Variants in SERPINB6 observed in about 807,000 individuals in gnomAD.
The protein encoded by SERPINB6 is serpin B6.
Under a neutral mutation model 26.1 loss-of-function variants are expected in SERPINB6, and 16 were observed. The observed-to-expected ratio is 0.61, with a 90% confidence interval of 0.42 to 0.93. SERPINB6 has a LOEUF of 0.93. SERPINB6 is among the 40% of genes least tolerant of loss of function. SERPINB6 has a pLI of 0.00. For synonymous variants in SERPINB6, 174 were observed against 176.6 expected (o/e 0.99, Z 0.11); for missense variants, 420 against 478.0 (o/e 0.88, Z 1.13).
At chr6:2,954,918 T>G (rs1468802174) in intron 3 of SERPINB6, 1 of 555,978 alleles carries the variant, frequency 1.8e-6, no homozygotes, top group Admixed American at 3.0e-5. Context: ...GGTCAGGTAC[T>G]GTGGCTTACA....
At chr6:2,960,554 C>T (rs1770983042) in intron 1 of SERPINB6, 1 of 152,302 alleles carries the variant, frequency 6.6e-6, no homozygotes, top group African/African-American at 2.4e-5. Context: ...AAGACAGTCC[C>T]AGTGACTCAC....
At position 2,948,342 on chromosome 6, in the gene SERPINB6, T is replaced by G; in HGVS notation, c.1087A>C (p.Lys363Gln). ...HPFLFFIQHSKTNGILFCGRF... is the reference protein window; with the variant it reads ...HPFLFFIQHSQTNGILFCGRF... ...CCGCAGAAGAGAATCCCGTTGGTCT[T>G]GCTGTGCTGGATGAAGAAAAGGAAG... The change falls in exon 7 of 7, where the codon AAG (lysine) becomes CAG (glutamine). Residue 363 changes from lysine (K) to glutamine (Q), a missense_variant. By Grantham distance (53) the Lys-to-Gln change is moderately conservative. Coordinates refer to ENST00000380539, the MANE Select transcript of SERPINB6 (RefSeq NM_004568.6). This position sits in a 1 kb window ranked among gnomAD's most constrained non-coding sequence, Gnocchi z 5.0. 6.2e-7 allele frequency: 1 copy of G among 1,614,046 alleles called. No individual in the cohort carries two copies. Among genetic ancestry groups the G allele is most frequent in the Middle Eastern group, 1.7e-4 (1 of 6,052 alleles).
At chr6:2,970,098 T>C in intron 1 of SERPINB6, 1 of 985,168 alleles carries the variant, frequency 1.0e-6, no homozygotes, top group Non-Finnish European at 1.2e-6. Context: ...TTGGATGCCT[T>C]GGCTTAATCC....
chr6:2,952,067 G>A (rs1769874075), intron 5 of SERPINB6, among the ~76,000 whole-genome samples: 1 of 152,210 alleles, frequency 6.6e-6, no homozygotes, highest in Non-Finnish European at 1.5e-5. Context: ...CAGGGGAGAT[G>A]AGCTCCTAGG....
chr6:2,954,787 G>A (rs1770240408), intron 3 of SERPINB6, 78 bp from the exon 4 acceptor site: 2 of 934,512 alleles, frequency 2.1e-6, no homozygotes, highest in Admixed American at 3.5e-5. Flanking sequence ...ATTGCACCAA[G>A]TCAGAAAATC....
At chr6:2,968,780 T>C in intron 1 of SERPINB6, 2 of 1,231,638 alleles carry the variant, frequency 1.6e-6, no homozygotes, top group East Asian at 3.2e-5. Context: ...TCTGTTTACA[T>C]GGAGGAAGTT....
chr6:2,955,197 AAAAAAC>A, intron 3 of SERPINB6: 1 of 295,296 alleles, frequency 3.4e-6, no homozygotes, highest in Non-Finnish European at 6.4e-6. Flanking sequence ...CTCAAAAAAA[AAAAAAC>A]AAAAAAAAAA....
At chr6:2,970,511 T>G (rs1772041143) in intron 1 of SERPINB6, 1 of 1,165,658 alleles carries the variant, frequency 8.6e-7, no homozygotes, top group African/African-American at 1.6e-5. Flanking sequence ...AGAAGGTCAC[T>G]GAACACATCA....
At chr6:2,970,629 C>G (rs946491851) in intron 1 of SERPINB6, 9 of 1,220,768 alleles carry the variant, frequency 7.4e-6, no homozygotes, top group Admixed American at 4.4e-5. Context: ...AAAAAATGGA[C>G]TCAGATGCCC....
intron 1 of SERPINB6, 129 bp from the exon 2 acceptor site, chr6:2,959,471 G>T: frequency 1.1e-6 from 1 of 910,936 alleles, no homozygotes; most frequent in East Asian, 2.5e-5. Context: ...CAGAACTCTG[G>T]CTGTTTCTTT....
chr6:2,955,462 C>T (rs1770346077), intron 3 of SERPINB6, 62 bp downstream of exon 3: 21 of 1,602,814 alleles, frequency 1.3e-5, no homozygotes, highest in Non-Finnish European at 1.5e-5. Flanking sequence ...TCCTGCTGGG[C>T]CCCAGCCCCC....
intron 1 of SERPINB6, chr6:2,970,794 C>T: frequency 1.6e-6 from 2 of 1,229,526 alleles, no homozygotes; most frequent in Non-Finnish European, 1.0e-6. Flanking sequence ...TCCTCTTTGC[C>T]TTGAAGACAT....
Position 2,948,256 on chromosome 6 carries a change from G to A in SERPINB6, c.*42C>T, listed in dbSNP as rs1205685677. The A allele has an allele frequency of 6.2e-7, 1 of 1,611,064 alleles. No individual in the cohort carries two copies. The highest frequency in any genetic ancestry group is 1.1e-5 in the South Asian group (1 of 90,940). On this transcript the variant is annotated 3_prime_UTR_variant, in exon 7 of 7. Transcript: ENST00000380539. The surrounding 1 kb of genome is among the most constrained non-coding windows in gnomAD (Gnocchi z 5.0). Reference sequence around the variant, plus strand: ...TGCAGGCACACTGTGGAGTGTCAGGGGACAGAGAGGAGAGGGGCTGCACAC... The same window carrying A: ...TGCAGGCACACTGTGGAGTGTCAGGAGACAGAGAGGAGAGGGGCTGCACAC...
In SERPINB6 at chr6:2,959,278, G is replaced by C. The variant is rs147083388; in HGVS notation, c.55C>G (p.Leu19Val). 106 of 1,614,178 alleles carry C rather than the reference G, an allele frequency of 6.6e-5. No homozygotes were observed. In the African/African-American group the frequency reaches 1.3e-3, roughly 20 times the overall value. Residue 19 changes from leucine (L) to valine (V), a missense_variant, in exon 2 of 7, where the codon CTG becomes GTG. Physicochemically the swap from Leu to Val is conservative, Grantham distance 32. Coordinates refer to ENST00000380539, the MANE Select transcript of SERPINB6 (RefSeq NM_004568.6). Reference protein sequence around the residue: ...GTFALNLLKTLGKDNSKNVFF... With the variant: ...GTFALNLLKTVGKDNSKNVFF... ...ACATTCTTCGAGTTGTCTTTACCCA[G>C]CGTTTTCAAAAGGTTTAAGGCAAAG...
At chr6:2,970,509 A>C (rs1772040928) in intron 1 of SERPINB6, 9 of 1,163,650 alleles carry the variant, frequency 7.7e-6, no homozygotes, top group Non-Finnish European at 9.5e-6. Context: ...CTAGAAGGTC[A>C]CTGAACACAT....
At chr6:2,969,104 T>C in intron 1 of SERPINB6, 1 of 1,062,112 alleles carries the variant, frequency 9.4e-7, no homozygotes, top group Non-Finnish European at 1.1e-6. Flanking sequence ...ATCCAAATCC[T>C]AAAAGGAAAG....
chr6:2,970,017 T>G, intron 1 of SERPINB6: 1 of 937,114 alleles, frequency 1.1e-6, no homozygotes, highest in Non-Finnish European at 1.3e-6. Context: ...GAGGTGGAGG[T>G]TGCAGTCAGC....
At chr6:2,954,855 C>T (rs1036711607) in intron 3 of SERPINB6, 146 bp from the exon 4 acceptor site, 4 of 665,740 alleles carry the variant, frequency 6.0e-6, no homozygotes, top group African/African-American at 5.4e-5. Flanking sequence ...TTAACCTAAA[C>T]TACAACTTCC....
At chr6:2,958,803 T>TA (rs2113246012) in intron 2 of SERPINB6, among the ~76,000 whole-genome samples, 1 of 152,144 alleles carries the variant, frequency 6.6e-6, no homozygotes, top group East Asian at 1.9e-4. Flanking sequence ...GCTTTACGCG[T>TA]AAATGAGAAA....
Sources: allele counts gnomAD v4.1 joint callset (sites outside exome capture counted in the v4.1 genomes callset), GRCh38; gene constraint gnomAD v4.1.1; non-coding constraint Gnocchi (gnomAD v3.1); transcripts MANE v1.5; gene names NCBI Gene and HGNC (gene_info 2026-07-23, HGNC 2026-07-21).